The following CHMP2B variants were observed in gnomAD, a reference collection of about 807,000 sequenced individuals.
CHMP2B encodes VPS2 homolog B.
Under a neutral mutation model 29.8 loss-of-function variants are expected in CHMP2B, and 22 were observed. That is an observed-to-expected ratio of 0.74 (90% CI 0.53 to 1.05). The LOEUF is 1.05. CHMP2B is among the 50% of genes least tolerant of loss of function. The pLI, the probability that CHMP2B is intolerant of heterozygous loss-of-function variation, is 0.00. For synonymous variants in CHMP2B, 78 were observed against 75.8 expected (o/e 1.03, Z -0.15); for missense variants, 261 against 252.2 (o/e 1.03, Z -0.24).
intron 4 of CHMP2B, among the ~76,000 whole-genome samples, chr3:87,251,122 T>C (rs536409594): frequency 6.6e-6 from 1 of 152,056 alleles, no homozygotes; most frequent in South Asian, 2.1e-4. Flanking sequence ...TATAAAATAG[T>C]ATCTAATTAA....
chr3:87,235,907 T>G (rs1705999859), intron 1 of CHMP2B, among the ~76,000 whole-genome samples: 1 of 152,238 alleles, frequency 6.6e-6, no homozygotes, highest in Non-Finnish European at 1.5e-5. Context: ...TCTTCAACTT[T>G]GATAATTCAC....
At chr3:87,229,941 C>T (rs992386220) in intron 1 of CHMP2B, among the ~76,000 whole-genome samples, 7 of 152,086 alleles carry the variant, frequency 4.6e-5, no homozygotes, top group African/African-American at 7.2e-5. Flanking sequence ...CAAGTCTCTG[C>T]GGTGTATACT....
At chr3:87,231,672 AT>A (rs1465930287) in intron 1 of CHMP2B, among the ~76,000 whole-genome samples, 1 of 152,120 alleles carries the variant, frequency 6.6e-6, no homozygotes, top group Non-Finnish European at 1.5e-5. Context: ...GTCTCTGGAC[AT>A]TTTAGCATCC....
At chr3:87,230,686 T>C (rs1380653867) in intron 1 of CHMP2B, among the ~76,000 whole-genome samples, 1 of 152,176 alleles carries the variant, frequency 6.6e-6, no homozygotes, top group Non-Finnish European at 1.5e-5. Context: ...TTCTTTTTGC[T>C]TTTCATCTAA....
At chr3:87,241,798 C>A (rs1206838074) in intron 2 of CHMP2B, among the ~76,000 whole-genome samples, 2 of 152,074 alleles carry the variant, frequency 1.3e-5, no homozygotes, top group Non-Finnish European at 2.9e-5. Context: ...ACATGGTTTT[C>A]ATTTTTCTTG....
rs1221099954 is a variant in CHMP2B, at chr3:87,227,363, C to T, written c.-160C>T. On this transcript the variant is annotated 5_prime_UTR_variant, in exon 1 of 6. Coordinates refer to ENST00000263780, the MANE Select transcript of CHMP2B (RefSeq NM_014043.4). ...GACGCGGCTGCGGTAGCTGCGGATA[C>T]AAGCCTTCCGCGGGTCCTGCCTGGC... The T allele has an allele frequency of 4.1e-5, 30 of 734,490 alleles. No homozygotes were observed. Among genetic ancestry groups the T allele is most frequent in the East Asian group, 2.6e-5 (1 of 37,996 alleles). The allele number at this position is 734,490 out of a possible 1,614,324, so 45.5% of individuals were successfully genotyped here.
Sources: gnomAD v4.1 joint callset for allele counts (sites outside exome capture counted in the v4.1 genomes callset) on GRCh38, gnomAD v4.1.1 for gene constraint, MANE v1.5 for transcripts, NCBI Gene and HGNC (gene_info 2026-07-23, HGNC 2026-07-21) for gene names.